Variants in HS6ST3 observed in about 807,000 individuals in gnomAD.
The protein encoded by HS6ST3 is heparan sulfate 6-O-sulfotransferase 3.
In HS6ST3, 12 loss-of-function variants were observed where a neutral mutation model predicts 36.7. The observed-to-expected ratio is 0.33, with a 90% CI of 0.21 to 0.53. The LOEUF is 0.53. Among genes scored for constraint, HS6ST3 ranks in the 20% least tolerant of loss-of-function variants. HS6ST3 has a pLI of 0.95. For missense variants in HS6ST3, 584 were observed against 640.9 expected (o/e 0.91, Z 0.96); for synonymous variants, 240 against 257.5 (o/e 0.93, Z 0.65).
intron 1 of HS6ST3, among the ~76,000 whole-genome samples, chr13:96,448,398 T>C (rs2055709697): frequency 6.6e-6 from 1 of 152,208 alleles, no homozygotes; most frequent in South Asian, 2.1e-4. Context: ...TCTATGGTTT[T>C]TAAATTACTT....
chr13:96,689,266 A>G (rs990084341), intron 1 of HS6ST3, among the ~76,000 whole-genome samples: 1 of 152,070 alleles, frequency 6.6e-6, no homozygotes, highest in East Asian at 1.9e-4. Flanking sequence ...AGGGTCCTGA[A>G]AGGCAGGTAA....
chr13:96,681,694 G>T (rs2056718810), intron 1 of HS6ST3, among the ~76,000 whole-genome samples: 1 of 152,088 alleles, frequency 6.6e-6, no homozygotes, highest in South Asian at 2.1e-4. Context: ...GCTCTGGAGT[G>T]GAAATCTGGA....
chr13:96,679,286 T>A (rs2056710107), intron 1 of HS6ST3, among the ~76,000 whole-genome samples: 1 of 151,598 alleles, frequency 6.6e-6, no homozygotes, highest in South Asian at 2.1e-4. Context: ...ACAGCTAAAG[T>A]GGACTGATGT....
At chr13:96,448,067 C>G (rs543439482) in intron 1 of HS6ST3, among the ~76,000 whole-genome samples, 1 of 152,262 alleles carries the variant, frequency 6.6e-6, no homozygotes, top group East Asian at 1.9e-4. Flanking sequence ...GAGGCTTCAC[C>G]TAATTGTCCA....
chr13:96,720,600 T>C (rs1000814785), intron 1 of HS6ST3, among the ~76,000 whole-genome samples: 2 of 152,340 alleles, frequency 1.3e-5, no homozygotes, highest in African/African-American at 4.8e-5. Flanking sequence ...ATAGTTATCA[T>C]CACTGAGTAG....
At chr13:96,312,587 CATTT>C (rs1241636261) in intron 1 of HS6ST3, among the ~76,000 whole-genome samples, 2 of 152,094 alleles carry the variant, frequency 1.3e-5, no homozygotes, top group Admixed American at 6.6e-5. Flanking sequence ...TTCAAGTTCT[CATTT>C]ATTCTGTCAA....
chr13:96,256,155 C>T (rs2054636461), intron 1 of HS6ST3, among the ~76,000 whole-genome samples: 2 of 152,136 alleles, frequency 1.3e-5, no homozygotes, highest in African/African-American at 4.8e-5. Context: ...GATGGTAGTG[C>T]CGTCATGCCA....
chr13:96,726,764 T>C, intron 1 of HS6ST3, among the ~76,000 whole-genome samples: 1 of 151,720 alleles, frequency 6.6e-6, no homozygotes, highest in East Asian at 1.9e-4. Flanking sequence ...TTGTAGCCAC[T>C]TTTTTTTTCT....
intron 1 of HS6ST3, among the ~76,000 whole-genome samples, chr13:96,261,961 A>C (rs763645654): frequency 6.6e-6 from 1 of 152,228 alleles, no homozygotes; most frequent in Non-Finnish European, 1.5e-5. Context: ...AGAAGGATCA[A>C]CCGCTTTTGT....
At chr13:96,608,974 T>C (rs1212593875) in intron 1 of HS6ST3, among the ~76,000 whole-genome samples, 1 of 151,914 alleles carries the variant, frequency 6.6e-6, no homozygotes, top group African/African-American at 2.4e-5. Context: ...TATTTATATT[T>C]ATTTATTTAT....
intron 1 of HS6ST3, among the ~76,000 whole-genome samples, chr13:96,487,775 T>G (rs1443833239): frequency 1.3e-5 from 2 of 152,162 alleles, no homozygotes; most frequent in Non-Finnish European, 2.9e-5. Flanking sequence ...CATATTTGGC[T>G]TATCATCCCT....
intron 1 of HS6ST3, among the ~76,000 whole-genome samples, chr13:96,449,798 C>T (rs913003057): frequency 1.3e-5 from 2 of 152,168 alleles, no homozygotes; most frequent in Admixed American, 6.5e-5. Context: ...AAGAGACTTA[C>T]TTCTTAGAAA....
chr13:96,640,503 C>T (rs527405017), intron 1 of HS6ST3, among the ~76,000 whole-genome samples: 1 of 151,806 alleles, frequency 6.6e-6, no homozygotes, highest in East Asian at 1.9e-4. Flanking sequence ...TATTTTTTTC[C>T]CATTCTATAG....
chr13:96,217,985 G>A (rs1249745602), intron 1 of HS6ST3, among the ~76,000 whole-genome samples: 1 of 152,120 alleles, frequency 6.6e-6, no homozygotes, highest in African/African-American at 2.4e-5. Context: ...TGTTTAATAA[G>A]TATTTTCTAA....
intron 1 of HS6ST3, among the ~76,000 whole-genome samples, chr13:96,683,436 A>T (rs540614963): frequency 6.6e-6 from 1 of 152,134 alleles, no homozygotes; most frequent in South Asian, 2.1e-4. Flanking sequence ...TCTTCTTTTT[A>T]TCGTATGTTT....
At chr13:96,603,446 A>C (rs2056428526) in intron 1 of HS6ST3, among the ~76,000 whole-genome samples, 1 of 152,224 alleles carries the variant, frequency 6.6e-6, no homozygotes, top group African/African-American at 2.4e-5. Flanking sequence ...CATTGTATAA[A>C]TACATCACAA....
chr13:96,380,969 A>G (rs1297680380), intron 1 of HS6ST3, among the ~76,000 whole-genome samples: 2 of 152,236 alleles, frequency 1.3e-5, no homozygotes, highest in Non-Finnish European at 2.9e-5. Context: ...TGGAGGCATA[A>G]CAGCTGAATT....
intron 1 of HS6ST3, among the ~76,000 whole-genome samples, chr13:96,264,231 C>T (rs1398000044): frequency 6.6e-6 from 1 of 152,136 alleles, no homozygotes; most frequent in African/African-American, 2.4e-5. Context: ...TATCACTATG[C>T]CTCCCTGGAC....
chr13:96,327,953 G>A lies in HS6ST3; in HGVS notation c.707+236384G>A, dbSNP rs1342840480. The stretch of plus-strand genomic sequence containing the variant: ...TTCTCTTTGAAGCAATTGTGAATGG[G>A]AGTTCACTCATTATTTGGCTCTCTG... On this transcript the variant is annotated intron_variant, in intron 1 of 1. Transcript: ENST00000376705. 3.7e-5 allele frequency among the ~76,000 whole-genome samples: 5 copies of A among 134,446 alleles called. 1 individual carries two copies. In the East Asian group the frequency reaches 1.1e-3, roughly 29 times the overall value. 88.2% of individuals were successfully genotyped at this position (134,446 alleles called of 152,430 possible). A position where few individuals can be genotyped will look rare whatever the true frequency, so the allele number is the denominator to read the frequency against.
Sources: gnomAD v4.1 joint callset for allele counts (sites outside exome capture counted in the v4.1 genomes callset) on GRCh38, gnomAD v4.1.1 for gene constraint, MANE v1.5 for transcripts, NCBI Gene and HGNC (gene_info 2026-07-23, HGNC 2026-07-21) for gene names.